NSMCE1: variants seen among roughly 807,000 people sequenced by gnomAD.
The protein encoded by NSMCE1 is NSE1 component of SMC5/6 complex, also known as non-structural maintenance of chromosomes element 1 homolog.
Under a neutral mutation model 29.6 loss-of-function variants are expected in NSMCE1, and 18 were observed. That is an observed-to-expected ratio of 0.61 (90% confidence interval 0.42 to 0.90). NSMCE1 has a LOEUF of 0.90. Among genes scored for constraint, NSMCE1 ranks in the 40% least tolerant of loss-of-function variants. The pLI, the probability that NSMCE1 is intolerant of heterozygous loss-of-function variation, is 0.00. For missense variants in NSMCE1, 314 were observed against 343.6 expected, an observed-to-expected ratio of 0.91 and a Z score of 0.68; for synonymous variants, 124 against 133.4, an observed-to-expected ratio of 0.93 and a Z score of 0.49.
chr16:27,227,625 A>G (rs2083712520), intron 5 of NSMCE1, among the ~76,000 whole-genome samples: 1 of 152,208 alleles, frequency 6.6e-6, no homozygotes, highest in Non-Finnish European at 1.5e-5. Flanking sequence ...GGCTGATTCC[A>G]GTTTCTCCAC....
intron 2 of NSMCE1, among the ~76,000 whole-genome samples, chr16:27,251,344 C>G (rs1268645885): frequency 6.6e-6 from 1 of 151,534 alleles, no homozygotes; most frequent in African/African-American, 2.4e-5. Context: ...GAGATTTTGT[C>G]AAATACTTTT....
intron 2 of NSMCE1, among the ~76,000 whole-genome samples, chr16:27,251,189 T>TATATATATATATAA (rs1459861130): frequency 0.04 from 2,327 of 58,396 alleles, 79 homozygotes; most frequent in East Asian, 0.091. Context: ...TATATATATA[T>TATATATATATATAA]AAATATATAT....
chr16:27,251,159 A>AAAATAT (rs1474447881), intron 2 of NSMCE1, among the ~76,000 whole-genome samples: 5 of 65,780 alleles, frequency 7.6e-5, no homozygotes, highest in Non-Finnish European at 1.3e-4. Context: ...AATTATTTAA[A>AAAATAT]ATATATATAT....
At chr16:27,258,192 A>G (rs1199512454) in intron 1 of NSMCE1, 2 of 152,224 alleles carry the variant, frequency 1.3e-5, no homozygotes, top group Non-Finnish European at 2.9e-5. Context: ...TCATGGCAGG[A>G]CTTCAGACTA....
intron 6 of NSMCE1, chr16:27,226,347 G>A (rs1344963263): frequency 2.1e-5 from 5 of 237,836 alleles, no homozygotes; most frequent in Non-Finnish European, 3.3e-5. Flanking sequence ...CTGGTTCAGC[G>A]GTTGCAAAGC....
intron 1 of NSMCE1, chr16:27,268,257 G>A (rs1277489590): frequency 6.6e-6 from 1 of 152,080 alleles, no homozygotes; most frequent in Admixed American, 6.5e-5. Flanking sequence ...AAGAAACTCC[G>A]TACACAAAAC....
In NSMCE1 at chr16:27,235,284, T is replaced by C. The variant is rs1385661459; in HGVS notation, c.152A>G (p.Asp51Gly). The change falls in exon 3 of 8, where the codon GAT becomes GGT. Residue 51 changes from aspartate (D) to glycine (G), a missense_variant. Asp to Gly is a moderately conservative substitution (Grantham distance 94). Transcript: ENST00000361439. ...GTTGTTGATGAAGTCCTCCAACTTA[T>C]CTACGGTGGCATTGCCTGGAAATAA... ...YKVHDRNATV[D>G]KLEDFINNIN... is the part of the protein sequence containing the mutation. The C allele has an allele frequency of 2.5e-6, 4 of 1,613,396 alleles. No homozygotes were observed. In the South Asian group the frequency reaches 4.4e-5, roughly 18 times the overall value.
chr16:27,268,002 C>T (rs2084246285), intron 1 of NSMCE1, among the ~76,000 whole-genome samples: 1 of 152,084 alleles, frequency 6.6e-6, no homozygotes, highest in Non-Finnish European at 1.5e-5. Context: ...CTCAGCTTCC[C>T]AAAGTGCTGG....
intron 1 of NSMCE1, among the ~76,000 whole-genome samples, chr16:27,259,988 C>T (rs1250096626): frequency 2.0e-5 from 3 of 152,070 alleles, no homozygotes; most frequent in Admixed American, 1.3e-4. Flanking sequence ...GAGCAAGTGA[C>T]CAGCAGGTGC....
chr16:27,225,688 G>T (rs774952332), intron 7 of NSMCE1, 38 bp downstream of exon 7: 1 of 1,612,048 alleles, frequency 6.2e-7, no homozygotes, highest in Admixed American at 1.7e-5. Flanking sequence ...CGTCCTGCTG[G>T]CCCAGCCCCT....
intron 6 of NSMCE1, 100 bp from the exon 7 acceptor site, chr16:27,225,946 G>T: frequency 1.4e-6 from 2 of 1,409,114 alleles, no homozygotes; most frequent in Non-Finnish European, 9.9e-7. Flanking sequence ...AGGTGGCATC[G>T]TGTTATCTTC....
intron 2 of NSMCE1, among the ~76,000 whole-genome samples, chr16:27,240,310 C>G (rs546577226): frequency 5.9e-5 from 9 of 152,302 alleles, no homozygotes; most frequent in African/African-American, 1.9e-4. Context: ...ATTAGGACAC[C>G]AGAGGTGGTA....
intron 1 of NSMCE1, among the ~76,000 whole-genome samples, chr16:27,267,700 T>C (rs2084241874): frequency 6.6e-6 from 1 of 151,970 alleles, no homozygotes; most frequent in Non-Finnish European, 1.5e-5. Flanking sequence ...TGAGGCTATT[T>C]ATGGTTATTT....
At chr16:27,227,574 G>A (rs2083712047) in intron 5 of NSMCE1, among the ~76,000 whole-genome samples, 1 of 152,226 alleles carries the variant, frequency 6.6e-6, no homozygotes, top group African/African-American at 2.4e-5. Flanking sequence ...GGAGACCCAA[G>A]GCAGGCAAAT....
Position 27,268,723 on chromosome 16 carries a change from T to A in NSMCE1, c.-29A>T, listed in dbSNP as rs2084256993. On this transcript the variant is annotated 5_prime_UTR_variant, in exon 1 of 8. An upstream start codon of the reference 5' UTR is lost. Coordinates refer to ENST00000361439, the MANE Select transcript of NSMCE1 (RefSeq NM_145080.4). ...TTACCCACCAGGGAGCCCAAGCGCA[T>A]CCCAGGCCGCGCTAGCGGATACGGT... The A allele has an allele frequency of 1.3e-5, 2 of 152,720 alleles. No homozygotes were observed. The highest frequency in any genetic ancestry group is 2.4e-5 in the African/African-American group (1 of 41,442). 9.5% of individuals were successfully genotyped at this position (152,720 alleles called of 1,614,324 possible). A position where few individuals can be genotyped will look rare whatever the true frequency, so the allele number is the denominator to read the frequency against.
chr16:27,226,699 C>G (rs745908027), intron 6 of NSMCE1, 21 bp downstream of exon 6: 7 of 1,520,498 alleles, frequency 4.6e-6, no homozygotes, highest in South Asian at 1.1e-5. Context: ...GATGAGCTCC[C>G]GTGCCCTGCC....
intron 2 of NSMCE1, among the ~76,000 whole-genome samples, chr16:27,252,118 A>G (rs1169785948): frequency 6.6e-6 from 1 of 152,204 alleles, no homozygotes; most frequent in Admixed American, 6.5e-5. Context: ...CCTGGTACAG[A>G]ACTTCTAAAA....
At chr16:27,251,189 T>TATAAAA (rs1459861130) in intron 2 of NSMCE1, among the ~76,000 whole-genome samples, 2 of 58,834 alleles carry the variant, frequency 3.4e-5, no homozygotes, top group African/African-American at 2.0e-4. Flanking sequence ...TATATATATA[T>TATAAAA]AAATATATAT....
intron 2 of NSMCE1, among the ~76,000 whole-genome samples, chr16:27,257,116 G>A (rs1481848640): frequency 6.6e-6 from 1 of 152,092 alleles, no homozygotes; most frequent in Admixed American, 6.5e-5. Context: ...ACTTACTTAT[G>A]TGTTAAGTAC....
Sources: gnomAD v4.1 joint callset for allele counts (sites outside exome capture counted in the v4.1 genomes callset) on GRCh38, gnomAD v4.1.1 for gene constraint, MANE v1.5 for transcripts, NCBI Gene and HGNC (gene_info 2026-07-23, HGNC 2026-07-21) for gene names.